The following CDH16 variants were observed in gnomAD, a reference collection of about 807,000 sequenced individuals.
The protein encoded by CDH16 is cadherin 16, also known as cadherin-16.
Under a neutral mutation model 87.6 loss-of-function variants are expected in CDH16, and 79 were observed. The ratio of observed to expected loss-of-function variants is 0.90; its 90% CI spans 0.75 to 1.09. The LOEUF is 1.09. CDH16 is among the 50% of genes least tolerant of loss of function. The probability of loss-of-function intolerance (pLI) is 0.00; values close to 1 mark genes in which losing one functional copy is unlikely to be tolerated. For missense variants in CDH16, 1,124 were observed against 1,071.7 expected, an observed-to-expected ratio of 1.05 and a Z score of -0.68; for synonymous variants, 457 against 439.5, an observed-to-expected ratio of 1.04 and a Z score of -0.50.
intron 9 of CDH16, 80 bp from the exon 10 acceptor site, chr16:66,912,971 A>C (rs1962500964): frequency 6.9e-7 from 1 of 1,444,860 alleles, no homozygotes; most frequent in East Asian, 2.3e-5. Context: ...TTTTGTGCCA[A>C]ACTAAACTGA....
intron 14 of CDH16, 53 bp from the exon 15 acceptor site, chr16:66,910,555 C>T: frequency 6.9e-7 from 1 of 1,455,754 alleles, no homozygotes. Flanking sequence ...GGAGGGTGAG[C>T]TCTGAGGTCC....
At chr16:66,910,922 A>T (rs915886322) in intron 14 of CDH16, 1 of 441,064 alleles carries the variant, frequency 2.3e-6, no homozygotes, top group Non-Finnish European at 4.0e-6. Context: ...GAGGCCCTCC[A>T]GTGGCTAAAG....
At chr16:66,914,032 G>A (rs961249282) in intron 7 of CDH16, among the ~76,000 whole-genome samples, 184 bp downstream of exon 7, 4 of 152,216 alleles carry the variant, frequency 2.6e-5, no homozygotes, top group Non-Finnish European at 5.9e-5. Flanking sequence ...CAGAGCAGGC[G>A]AGGGGCTGTG....
chr16:66,918,480 C>G (rs567402715), intron 1 of CDH16, among the ~76,000 whole-genome samples: 4 of 152,358 alleles, frequency 2.6e-5, no homozygotes, highest in African/African-American at 9.6e-5. Context: ...CAGGCAAGGC[C>G]TGAATGCTGG....
chr16:66,917,921 C>T (rs907914490), intron 2 of CDH16, 100 bp downstream of exon 2: 31 of 1,148,978 alleles, frequency 2.7e-5, no homozygotes, highest in Middle Eastern at 2.4e-4. Flanking sequence ...TGCCTTGCAC[C>T]GTTCTCACGG....
rs561270820 is a variant in CDH16 at position 66,914,480 on chromosome 16, A to G, written c.584-68T>C. 1.4e-5 allele frequency: 16 copies of G among 1,184,586 alleles called. No homozygotes were observed. The South Asian group carries it at 2.0e-4, about 15-fold the overall frequency. 73.4% of individuals were successfully genotyped at this position (1,184,586 alleles called of 1,614,324 possible). A position where few individuals can be genotyped will look rare whatever the true frequency, so the allele number is the denominator to read the frequency against. Reference sequence around the variant, plus strand: ...CAGGGGCCAGGGCATCATTCTCAGCAAGATACCAGACACAAAACCAAGCAT... The same window carrying G: ...CAGGGGCCAGGGCATCATTCTCAGCGAGATACCAGACACAAAACCAAGCAT... On this transcript the variant is annotated intron_variant, in intron 6 of 17. Coordinates refer to ENST00000299752, the MANE Select transcript of CDH16 (RefSeq NM_004062.4).
chr16:66,911,263 C>G lies in CDH16; in HGVS notation c.1843G>C (p.Gly615Arg). Residue 615 changes from glycine to arginine, a missense_variant, in exon 14 of 18, where the codon GGG becomes CGG. By Grantham distance (125) the Gly-to-Arg change is moderately radical (BLOSUM62 -2). Transcript: ENST00000299752. The stretch of plus-strand genomic sequence containing the variant: ...AGGGACTGGGCGGTGTGCACCTCCC[C>G]GGAGAATTTCTCAATGCAGAGCCAG... ...EGWLCIEKFSGEVHTAQSLQG... is the reference protein window; with the variant it reads ...EGWLCIEKFSREVHTAQSLQG... The G allele has an allele frequency of 1.9e-6, 3 of 1,613,520 alleles. No homozygotes were observed. Among genetic ancestry groups the G allele is most frequent in the Admixed American group, 1.7e-5 (1 of 59,958 alleles).
rs1962297696 is a variant in CDH16, at chr16:66,909,283, G to A, written c.2376C>T (p.Gly792=). The A allele has an allele frequency of 1.2e-6, 2 of 1,610,550 alleles. No homozygotes were observed. The highest frequency in any genetic ancestry group is 1.1e-5 in the South Asian group (1 of 91,030). Residue 792 remains glycine (G), a synonymous_variant, in exon 17 of 18, where the codon GGC becomes GGT. Coordinates refer to ENST00000299752, the MANE Select transcript of CDH16 (RefSeq NM_004062.4). This position sits in a 1 kb window ranked among gnomAD's most constrained non-coding sequence, Gnocchi z 4.1. ...TKLSAVGILV[G]TLVAIGIFLI... ...CTCCATTACCTATTGCTACCAGGGT[G>A]CCTACAAGGATGCCCACTGCCGACA...
chr16:66,917,304 GA>G lies in CDH16; in HGVS notation c.129+337del, dbSNP rs899581016. On this transcript the variant is annotated intron_variant, in intron 3 of 17. Coordinates refer to ENST00000299752, the MANE Select transcript of CDH16 (RefSeq NM_004062.4). ...ACAAGAGCGAAACTTCGTCTCAAAA[GA>G]AAAAAAAATGTATAACGTTACCTTC... is the stretch of plus-strand genomic sequence containing the variant. Among the ~76,000 whole-genome samples the G allele has an allele frequency of 2.8e-4, 42 of 149,942 alleles. No individual in the cohort carries two copies. In the East Asian group the frequency reaches 5.9e-3, roughly 21 times the overall value.
intron 9 of CDH16, 100 bp from the exon 10 acceptor site, chr16:66,912,991 C>CGTGTGT (rs112552212): frequency 1.8e-4 from 203 of 1,115,026 alleles, no homozygotes; most frequent in South Asian, 1.3e-3. Context: ...AATTTGAGCT[C>CGTGTGT]GTGTGTGTGT....
intron 17 of CDH16, among the ~76,000 whole-genome samples, chr16:66,908,913 G>A (rs538748000): frequency 2.0e-5 from 3 of 152,292 alleles, no homozygotes; most frequent in African/African-American, 7.2e-5. Flanking sequence ...AAAGACCTGG[G>A]TTCTGTCACA....
rs192470258 is a variant in CDH16 at position 66,916,953 on chromosome 16, A to G, written c.130-524T>C. 2.0e-5 allele frequency among the ~76,000 whole-genome samples: 3 copies of G among 152,240 alleles called. No individual in the cohort carries two copies. Among genetic ancestry groups the G allele is most frequent in the Non-Finnish European group, 4.4e-5 (3 of 68,024 alleles). ...ACACTGGGCTCTTGGCCACTCAAGG[A>G]TTCTGTCGGAATTTCACCTCTGTAC... On this transcript the variant is annotated intron_variant, in intron 3 of 17. Coordinates refer to ENST00000299752, the MANE Select transcript of CDH16 (RefSeq NM_004062.4). The surrounding 1 kb of genome is among the most constrained non-coding windows in gnomAD (Gnocchi z 4.1).
In CDH16 at chr16:66,917,900, G is replaced by A. The variant is rs1596988130; in HGVS notation, c.45+121C>T. On this transcript the variant is annotated intron_variant, in intron 2 of 17. Coordinates refer to ENST00000299752, the MANE Select transcript of CDH16 (RefSeq NM_004062.4). ...ACAGTGGCTCTATAGTCCCAGCTCT[G>A]ACCCCTCCCATGCCTTGCACCGTTC... is the stretch of plus-strand genomic sequence containing the variant. 5 of 1,046,274 alleles carry A rather than the reference G, an allele frequency of 4.8e-6. No homozygotes were observed. In the East Asian group the frequency reaches 7.9e-5, roughly 16 times the overall value. The allele number at this position is 1,046,274 out of a possible 1,614,324, so 64.8% of individuals were successfully genotyped here.
At chr16:66,918,750 C>T (rs1321850300) in intron 1 of CDH16, 54 bp downstream of exon 1, 1 of 152,524 alleles carries the variant, frequency 6.6e-6, no homozygotes, top group East Asian at 1.9e-4. Context: ...TCTCCTTTCC[C>T]CACCACCAAC....
rs1355855289 is a variant in CDH16, at chr16:66,912,892, C to A, written c.1055-1G>T. On this transcript the variant is annotated splice_acceptor_variant, in intron 9 of 17. Coordinates refer to ENST00000299752, the MANE Select transcript of CDH16 (RefSeq NM_004062.4). LOFTEE classifies it high-confidence loss of function. ...GCTGACAGTCTAGTCACTTCAGTAC[C>A]TGCCAAGACAGCACCCGCCTGGATA... 1 of 1,608,808 alleles carries A rather than the reference C, an allele frequency of 6.2e-7. No individual in the cohort carries two copies. Among genetic ancestry groups the A allele is most frequent in the Non-Finnish European group, 8.5e-7 (1 of 1,178,980 alleles).
intron 7 of CDH16, 92 bp downstream of exon 7, chr16:66,914,124 G>C: frequency 9.0e-7 from 1 of 1,105,620 alleles, no homozygotes; most frequent in Non-Finnish European, 1.3e-6. Flanking sequence ...GGGTCATGAG[G>C]GTTCCAGACC....
In CDH16 at chr16:66,913,527, G is replaced by T. The variant is rs142578364; in HGVS notation, c.867C>A (p.Tyr289Ter). 6.2e-7 allele frequency: 1 copy of T among 1,614,042 alleles called. No individual in the cohort carries two copies. Among genetic ancestry groups the T allele is most frequent in the Non-Finnish European group, 8.5e-7 (1 of 1,180,018 alleles). The change falls in exon 8 of 18, where the codon TAC becomes TAA. Residue 289 changes from tyrosine to a stop codon, truncating the protein, a stop_gained. Coordinates refer to ENST00000299752, the MANE Select transcript of CDH16 (RefSeq NM_004062.4). LOFTEE classifies it high-confidence loss of function. ...CTTCTCTGTCCAGCTCTCTGGTCAC[G>T]TAGAGGTTTCCCTCTGCATTCACTT... ...PFEVNAEGNL[Y>*]VTRELDREAQ...
At chr16:66,912,917 A>G (rs1382027641) in intron 9 of CDH16, 26 bp from the exon 10 acceptor site, 1 of 1,594,308 alleles carries the variant, frequency 6.3e-7, no homozygotes, top group East Asian at 2.2e-5. Context: ...CCGCCTGGAT[A>G]GGACCACAGC....
In CDH16 at chr16:66,913,259, T is replaced by C; in HGVS notation, c.926A>G (p.Gln309Arg). 6.4e-7 allele frequency: 1 copy of C among 1,558,458 alleles called. No homozygotes were observed. Among genetic ancestry groups the C allele is most frequent in the Non-Finnish European group, 8.7e-7 (1 of 1,150,826 alleles). The change falls in exon 9 of 18, where the codon CAG (glutamine) becomes CGG (arginine). Residue 309 changes from glutamine (Q) to arginine (R), a missense_variant. Coordinates refer to ENST00000299752, the MANE Select transcript of CDH16 (RefSeq NM_004062.4). ...CGCATAGTCCTCGCCATGGGAATTC[T>C]GAGCCCGCACCTGGAGCAGGTACTG... ...QAEYLLQVRA[Q>R]NSHGEDYAAP...
Sources: gnomAD v4.1 joint callset for allele counts (sites outside exome capture counted in the v4.1 genomes callset) on GRCh38, gnomAD v4.1.1 for gene constraint, Gnocchi (gnomAD v3.1) non-coding constraint, MANE v1.5 for transcripts, NCBI Gene and HGNC (gene_info 2026-07-23, HGNC 2026-07-21) for gene names.